The following TRAF3 variants were observed in gnomAD, a reference collection of about 807,000 sequenced individuals.
TRAF3 encodes TNF receptor-associated factor 3.
TRAF3 carries 13 observed loss-of-function variants against 62.3 expected under a neutral mutation model. That is an observed-to-expected ratio of 0.21 (90% CI 0.14 to 0.33). TRAF3 has a LOEUF of 0.33. Ranked by LOEUF, TRAF3 falls within the 10% of genes least tolerant of loss-of-function variation. The probability of loss-of-function intolerance (pLI) is 1.00; values close to 1 mark genes in which losing one functional copy is unlikely to be tolerated. For missense variants in TRAF3, 440 were observed against 741.8 expected (o/e 0.59, Z 4.73); for synonymous variants, 269 against 283.4 (o/e 0.95, Z 0.51).
At chr14:102,862,781 T>C (rs1354006531) in intron 2 of TRAF3, among the ~76,000 whole-genome samples, 1 of 152,192 alleles carries the variant, frequency 6.6e-6, no homozygotes, top group East Asian at 1.9e-4. Flanking sequence ...TCTCTGAGGC[T>C]GTTTATTTTC....
chr14:102,854,565 A>C (rs1391930054), intron 2 of TRAF3, among the ~76,000 whole-genome samples: 3 of 152,150 alleles, frequency 2.0e-5, no homozygotes, highest in Non-Finnish European at 4.4e-5. Flanking sequence ...CAGTAGTGCA[A>C]ACATGGCTCA....
chr14:102,853,755 T>G (rs932853910), intron 2 of TRAF3, among the ~76,000 whole-genome samples: 1 of 151,654 alleles, frequency 6.6e-6, no homozygotes, highest in Non-Finnish European at 1.5e-5. Context: ...GCAGAATTGC[T>G]TGGGCCCGGG....
At chr14:102,895,126 T>C (rs1168025528) in intron 9 of TRAF3, 1 of 455,780 alleles carries the variant, frequency 2.2e-6, no homozygotes, top group East Asian at 7.0e-5. Context: ...CAGATGGAAA[T>C]GAATGAATTG....
chr14:102,894,093 G>A (rs937717018), intron 9 of TRAF3, among the ~76,000 whole-genome samples: 2 of 152,122 alleles, frequency 1.3e-5, no homozygotes, highest in East Asian at 1.9e-4. Context: ...TTGGGAGGCC[G>A]AGGCGGGCAG....
chr14:102,885,242 C>A (rs914759705), intron 6 of TRAF3, among the ~76,000 whole-genome samples: 9 of 152,208 alleles, frequency 5.9e-5, no homozygotes, highest in Non-Finnish European at 1.0e-4. Flanking sequence ...GCCCTCAGAC[C>A]CGCCAGTCAG....
intron 1 of TRAF3, among the ~76,000 whole-genome samples, chr14:102,794,950 A>T (rs552192253): frequency 6.6e-6 from 1 of 152,318 alleles, no homozygotes; most frequent in South Asian, 2.1e-4. Flanking sequence ...CATTTTAAAA[A>T]TTTGTTGAAA....
intron 2 of TRAF3, among the ~76,000 whole-genome samples, chr14:102,869,864 G>A (rs1224315604): frequency 1.3e-5 from 2 of 151,714 alleles, no homozygotes; most frequent in African/African-American, 4.8e-5. Flanking sequence ...AGCCTAGAGT[G>A]CAGTGGTGCC....
intron 10 of TRAF3, among the ~76,000 whole-genome samples, chr14:102,900,203 A>AAAG (rs775030784): frequency 8.3e-5 from 12 of 143,872 alleles, no homozygotes; most frequent in Non-Finnish European, 1.4e-4. Flanking sequence ...AAAAAAAAAA[A>AAAG]GACAGCCTAG....
intron 6 of TRAF3, among the ~76,000 whole-genome samples, chr14:102,883,594 CT>C (rs930202828): frequency 6.0e-4 from 90 of 150,024 alleles, no homozygotes; most frequent in Middle Eastern, 3.4e-3. Flanking sequence ...TTCTTTCTTT[CT>C]TTTTTTTCGA....
At chr14:102,816,509 A>G (rs904274518) in intron 1 of TRAF3, among the ~76,000 whole-genome samples, 12 of 152,196 alleles carry the variant, frequency 7.9e-5, no homozygotes, top group African/African-American at 2.9e-4. Flanking sequence ...TACATGTTGA[A>G]ATGATAAAGT....
chr14:102,812,426 T>C (rs1899243836), intron 1 of TRAF3, among the ~76,000 whole-genome samples: 2 of 152,218 alleles, frequency 1.3e-5, no homozygotes, highest in African/African-American at 4.8e-5. Flanking sequence ...ATTCCCTGTT[T>C]GGCTATTGTG....
chr14:102,887,760 A>G (rs1270211965), intron 7 of TRAF3, among the ~76,000 whole-genome samples: 1 of 151,750 alleles, frequency 6.6e-6, no homozygotes, highest in Non-Finnish European at 1.5e-5. Flanking sequence ...ACGCCCGGCT[A>G]ATTTCTTGTA....
In TRAF3 at chr14:102,826,910, T is replaced by C. The variant is rs1374504188; in HGVS notation, c.-156-3424T>C. Reference sequence around the variant, plus strand: ...TCCATGCCCTGGTGCCTCCCCGTGGTCACCATGTGCCTTGGGCAAATGGAG... The same window carrying C: ...TCCATGCCCTGGTGCCTCCCCGTGGCCACCATGTGCCTTGGGCAAATGGAG... On this transcript the variant is annotated intron_variant, in intron 1 of 11. Transcript: ENST00000392745. The surrounding 1 kb of genome is among the most constrained non-coding windows in gnomAD (Gnocchi z 4.6). Among the ~76,000 whole-genome samples the C allele has an allele frequency of 6.6e-6, 1 of 152,104 alleles. No individual in the cohort carries two copies. The highest frequency in any genetic ancestry group is 1.5e-5 in the Non-Finnish European group (1 of 68,008).
chr14:102,804,821 T>G (rs9783665), intron 1 of TRAF3, among the ~76,000 whole-genome samples: 2 of 151,916 alleles, frequency 1.3e-5, no homozygotes, highest in Non-Finnish European at 2.9e-5. Flanking sequence ...GGTCCTTTTT[T>G]TCTAAAATTC....
intron 10 of TRAF3, among the ~76,000 whole-genome samples, chr14:102,901,511 T>TCC (rs1890300127): frequency 2.6e-5 from 4 of 152,218 alleles, no homozygotes; most frequent in African/African-American, 7.2e-5. Flanking sequence ...TGTATTTGGA[T>TCC]GTTCAGTGTC....
At chr14:102,837,327 T>TG (rs1284018163) in intron 2 of TRAF3, among the ~76,000 whole-genome samples, 2 of 152,164 alleles carry the variant, frequency 1.3e-5, no homozygotes, top group African/African-American at 2.4e-5. Flanking sequence ...TTTATAGACA[T>TG]GGGGTCTCAC....
At chr14:102,835,167 A>G (rs1424644967) in intron 2 of TRAF3, among the ~76,000 whole-genome samples, 1 of 152,226 alleles carries the variant, frequency 6.6e-6, no homozygotes, top group Non-Finnish European at 1.5e-5. Flanking sequence ...CAAATCACTG[A>G]CCATTAGAGA....
intron 3 of TRAF3, among the ~76,000 whole-genome samples, chr14:102,870,702 C>G (rs1372705362): frequency 6.6e-6 from 1 of 152,138 alleles, no homozygotes; most frequent in Non-Finnish European, 1.5e-5. Flanking sequence ...CTTGGTGCCC[C>G]TCATATGTGT....
intron 8 of TRAF3, among the ~76,000 whole-genome samples, chr14:102,891,100 C>A (rs938398254): frequency 6.6e-6 from 1 of 152,234 alleles, no homozygotes; most frequent in Admixed American, 6.5e-5. Context: ...CACTGTGGCA[C>A]TGCAGGGTGC....
Sources: gnomAD v4.1 joint callset for allele counts (sites outside exome capture counted in the v4.1 genomes callset) on GRCh38, gnomAD v4.1.1 for gene constraint, Gnocchi (gnomAD v3.1) non-coding constraint, MANE v1.5 for transcripts, NCBI Gene and HGNC (gene_info 2026-07-23, HGNC 2026-07-21) for gene names.